AKR1A1: variants seen among roughly 807,000 people sequenced by gnomAD.
AKR1A1 encodes aldo-keto reductase family 1 member A1.
AKR1A1 carries 26 observed loss-of-function variants against 39.2 expected under a neutral mutation model. The observed-to-expected ratio is 0.66, with a 90% CI of 0.49 to 0.92. The LOEUF is 0.92. AKR1A1 is among the 40% of genes least tolerant of loss of function. AKR1A1 has a pLI of 0.00. For missense variants in AKR1A1, 378 were observed against 406.5 expected (o/e 0.93, Z 0.60); for synonymous variants, 141 against 155.5 (o/e 0.91, Z 0.69).
At chr1:45,552,187 T>C (rs1644139684) in intron 1 of AKR1A1, among the ~76,000 whole-genome samples, 1 of 151,930 alleles carries the variant, frequency 6.6e-6, no homozygotes, top group Admixed American at 6.6e-5. Flanking sequence ...ATTTATTTTC[T>C]TTTTAGAGAT....
chr1:45,566,121 G>T (rs796851490), intron 2 of AKR1A1, among the ~76,000 whole-genome samples: 30 of 150,200 alleles, frequency 2.0e-4, no homozygotes, highest in African/African-American at 6.4e-4. Flanking sequence ...TTCTTTCTTT[G>T]TTTTGAGATG....
At chr1:45,556,953 G>C (rs1161077211) in intron 1 of AKR1A1, among the ~76,000 whole-genome samples, 1 of 151,686 alleles carries the variant, frequency 6.6e-6, no homozygotes, top group African/African-American at 2.4e-5. Context: ...ACTTTGAAAA[G>C]CTGAGACTGG....
intron 2 of AKR1A1, among the ~76,000 whole-genome samples, chr1:45,564,467 C>A (rs1276165100): frequency 6.6e-6 from 1 of 152,076 alleles, no homozygotes; most frequent in Admixed American, 6.5e-5. Context: ...ATTAACTGAC[C>A]CATCCTTCTA....
intron 2 of AKR1A1, among the ~76,000 whole-genome samples, chr1:45,563,765 G>A (rs1439051143): frequency 6.6e-6 from 1 of 152,120 alleles, no homozygotes; most frequent in African/African-American, 2.4e-5. Flanking sequence ...CTCCAGCCTG[G>A]GCAACAAGAG....
At chr1:45,558,395 ATTTTTTTTTTTT>A (rs35421063) in intron 1 of AKR1A1, among the ~76,000 whole-genome samples, 4 of 119,102 alleles carry the variant, frequency 3.4e-5, no homozygotes, top group East Asian at 2.6e-4. Flanking sequence ...CGCCCAGCTA[ATTTTTTTTTTTT>A]TTTTTTTTTG....
intron 1 of AKR1A1, among the ~76,000 whole-genome samples, chr1:45,553,863 C>T (rs1307947163): frequency 5.3e-5 from 8 of 151,890 alleles, no homozygotes; most frequent in African/African-American, 1.9e-4. Flanking sequence ...GGCATGGTAG[C>T]GGGCACCTGT....
intron 2 of AKR1A1, among the ~76,000 whole-genome samples, chr1:45,563,887 G>T (rs1409161261): frequency 1.3e-5 from 2 of 152,158 alleles, no homozygotes; most frequent in Non-Finnish European, 2.9e-5. Flanking sequence ...CTGACCCCTG[G>T]TGTAGACCAT....
intron 6 of AKR1A1, 68 bp downstream of exon 6, chr1:45,568,752 T>C: frequency 1.9e-6 from 3 of 1,582,982 alleles, no homozygotes; most frequent in Middle Eastern, 2.2e-4. Flanking sequence ...CTTATTTCAG[T>C]GTCTGGGTGA....
In AKR1A1 at chr1:45,562,298, AATTGTAT is replaced by A. The variant is rs1029630595; in HGVS notation, c.84+429_84+435del. Among the ~76,000 whole-genome samples the A allele has an allele frequency of 2.0e-5, 3 of 151,168 alleles. 1 individual carries two copies. Among genetic ancestry groups the A allele is most frequent in the African/African-American group, 7.3e-5 (3 of 41,134 alleles). On this transcript the variant is annotated intron_variant, in intron 2 of 8. Coordinates refer to ENST00000351829, the MANE Select transcript of AKR1A1 (RefSeq NM_153326.3). Reference sequence around the variant, plus strand: ...TCAAGGTTTGAAGAATAACTAGGTGAATTGTATATTGTATAGACCAAAGGTCAGCAAA... The same window carrying A: ...TCAAGGTTTGAAGAATAACTAGGTGAATTGTATAGACCAAAGGTCAGCAAA...
chr1:45,569,145 G>A lies in AKR1A1; in HGVS notation c.828G>A (p.Val276=). 1 of 1,614,110 alleles carries A rather than the reference G, an allele frequency of 6.2e-7. No homozygotes were observed. Among genetic ancestry groups the A allele is most frequent in the Non-Finnish European group, 8.5e-7 (1 of 1,179,934 alleles). The change falls in exon 8 of 9, where the codon GTG becomes GTA. Residue 276 remains valine (V), a splice_region_variant and synonymous_variant. Coordinates refer to ENST00000351829, the MANE Select transcript of AKR1A1 (RefSeq NM_153326.3). ...TPSRILQNIK[V]FDFTFSPEEM... ...TGAACCCCACTCTCCATCCTCAGGT[G>A]TTTGACTTCACCTTTAGCCCAGAAG...
intron 8 of AKR1A1, 21 bp from the exon 9 acceptor site, chr1:45,569,870 T>C: frequency 6.2e-7 from 1 of 1,611,438 alleles, no homozygotes; most frequent in East Asian, 2.2e-5. Flanking sequence ...GATGGAGTAA[T>C]CTATCTGTCT....
At chr1:45,562,370 C>T (rs1217059606) in intron 2 of AKR1A1, among the ~76,000 whole-genome samples, 1 of 141,592 alleles carries the variant, frequency 7.1e-6, no homozygotes, top group Non-Finnish European at 1.5e-5. Context: ...GAGACAGGGT[C>T]TCGCTCTGTT....
At chr1:45,557,104 C>A (rs1207355151) in intron 1 of AKR1A1, among the ~76,000 whole-genome samples, 1 of 151,938 alleles carries the variant, frequency 6.6e-6, no homozygotes, top group Non-Finnish European at 1.5e-5. Context: ...GCAGGAGAAT[C>A]GCTTGAACCC....
In AKR1A1 at chr1:45,569,144, T is replaced by C. The variant is rs540122280; in HGVS notation, c.827T>C (p.Val276Ala). ...TTGAACCCCACTCTCCATCCTCAGGTGTTTGACTTCACCTTTAGCCCAGAA... is the reference window on the plus strand; with the variant it reads ...TTGAACCCCACTCTCCATCCTCAGGCGTTTGACTTCACCTTTAGCCCAGAA... The part of the protein sequence containing the change: ...TPSRILQNIK[V>A]FDFTFSPEEM... The change falls in exon 8 of 9, where the codon GTG becomes GCG. Residue 276 changes from valine (V) to alanine (A), a missense_variant and splice_region_variant. Coordinates refer to ENST00000351829, the MANE Select transcript of AKR1A1 (RefSeq NM_153326.3). 1.9e-4 allele frequency: 303 copies of C among 1,613,954 alleles called. 3 individuals are homozygous for C. In the South Asian group the frequency reaches 3.0e-3, roughly 16 times the overall value.
intron 1 of AKR1A1, among the ~76,000 whole-genome samples, chr1:45,551,915 AAACTC>A (rs1427789961): frequency 3.9e-5 from 6 of 152,110 alleles, no homozygotes; most frequent in African/African-American, 1.4e-4. Flanking sequence ...CCAGCTGGCC[AAACTC>A]AACCTGTCAA....
chr1:45,564,378 C>T (rs1644313620), intron 2 of AKR1A1, among the ~76,000 whole-genome samples: 1 of 152,166 alleles, frequency 6.6e-6, no homozygotes, highest in African/African-American at 2.4e-5. Context: ...ACAACAAGAG[C>T]TTTGGGTGCT....
At chr1:45,556,311 G>A (rs1436651304) in intron 1 of AKR1A1, among the ~76,000 whole-genome samples, 8 of 152,230 alleles carry the variant, frequency 5.3e-5, no homozygotes, top group East Asian at 1.9e-4. Flanking sequence ...CGCCGGGCGC[G>A]GCGGCTCGCG....
At chr1:45,569,050 G>T (rs1402529974) in intron 7 of AKR1A1, 51 bp downstream of exon 7, 1 of 1,606,902 alleles carries the variant, frequency 6.2e-7, no homozygotes, top group Non-Finnish European at 8.5e-7. Context: ...CATTTTCTTG[G>T]CCCTGACTCT....
chr1:45,554,972 A>G (rs1230301983), intron 1 of AKR1A1, among the ~76,000 whole-genome samples: 1 of 152,122 alleles, frequency 6.6e-6, no homozygotes, highest in Non-Finnish European at 1.5e-5. Context: ...ATTAACAGGC[A>G]TGAGCCACCA....
Sources: gnomAD v4.1 joint callset for allele counts (sites outside exome capture counted in the v4.1 genomes callset) on GRCh38, gnomAD v4.1.1 for gene constraint, MANE v1.5 for transcripts, NCBI Gene and HGNC (gene_info 2026-07-23, HGNC 2026-07-21) for gene names.